The following DOCK3 variants were observed in gnomAD, a reference collection of about 807,000 sequenced individuals.
The protein encoded by DOCK3 is dedicator of cytokinesis 3.
Under a neutral mutation model 265.6 loss-of-function variants are expected in DOCK3, and 60 were observed. The observed-to-expected ratio is 0.23, with a 90% confidence interval of 0.18 to 0.28. The LOEUF (loss-of-function observed/expected upper bound fraction) is 0.28. DOCK3 is among the 10% of genes least tolerant of loss of function. DOCK3 has a pLI of 1.00. For synonymous variants in DOCK3, 881 were observed against 938.0 expected (o/e 0.94, Z 1.11); for missense variants, 1,981 against 2,594.3 (o/e 0.76, Z 5.14).
At chr3:51,360,166 C>T (rs1187996890) in intron 46 of DOCK3, among the ~76,000 whole-genome samples, 1 of 152,200 alleles carries the variant, frequency 6.6e-6, no homozygotes, top group Non-Finnish European at 1.5e-5. Context: ...CTCTTCCTCT[C>T]CTTCTTCCCA....
At chr3:51,364,424 C>T (rs2086977800) in intron 49 of DOCK3, among the ~76,000 whole-genome samples, 1 of 152,128 alleles carries the variant, frequency 6.6e-6, no homozygotes, top group South Asian at 2.1e-4. Flanking sequence ...AAAATATTCT[C>T]CCATTCTGTA....
intron 12 of DOCK3, among the ~76,000 whole-genome samples, chr3:51,202,502 G>C (rs1263997268): frequency 6.6e-6 from 1 of 152,052 alleles, no homozygotes; most frequent in Non-Finnish European, 1.5e-5. Flanking sequence ...CCAATAACAG[G>C]AGCTGAAATT....
At chr3:50,920,671 C>T (rs920402549) in intron 4 of DOCK3, among the ~76,000 whole-genome samples, 2 of 152,058 alleles carry the variant, frequency 1.3e-5, no homozygotes, top group East Asian at 3.8e-4. Context: ...AACGGTCTGT[C>T]AATTTTGTTG....
At chr3:51,322,950 G>GGAGGAATA (rs140222303) in intron 32 of DOCK3, among the ~76,000 whole-genome samples, 131,437 of 150,708 alleles carry the variant, frequency 0.87, 57,414 homozygotes, top group East Asian at 0.94. Flanking sequence ...ATAGAGGCAT[G>GGAGGAATA]CTTACCAAGC....
chr3:50,752,595 A>C (rs1465890724), intron 1 of DOCK3, among the ~76,000 whole-genome samples: 1 of 151,910 alleles, frequency 6.6e-6, no homozygotes, highest in East Asian at 1.9e-4. Flanking sequence ...TGCCCAATAT[A>C]GTGAAACTCT....
intron 32 of DOCK3, among the ~76,000 whole-genome samples, chr3:51,325,996 G>A (rs1455682746): frequency 6.6e-6 from 1 of 151,470 alleles, no homozygotes; most frequent in East Asian, 1.9e-4. Context: ...AACCACCATG[G>A]CACAGGTATA....
chr3:50,989,051 GAGGCTGGTCTTTGACCCAAGAAGAAA>G (rs947889442), intron 5 of DOCK3, among the ~76,000 whole-genome samples: 3 of 152,182 alleles, frequency 2.0e-5, no homozygotes, highest in South Asian at 2.1e-4. Context: ...CCAAGAAGAA[GAGGCTGGTCTTTGACCCAAGAAGAAA>G]AGGCTGGTCT....
At chr3:51,025,967 A>C (rs1293869611) in intron 5 of DOCK3, among the ~76,000 whole-genome samples, 1 of 152,102 alleles carries the variant, frequency 6.6e-6, no homozygotes, top group Non-Finnish European at 1.5e-5. Context: ...TGTCTCATGG[A>C]GTAGGCTGCA....
intron 1 of DOCK3, among the ~76,000 whole-genome samples, chr3:50,748,695 C>T (rs974240494): frequency 1.3e-5 from 2 of 152,190 alleles, no homozygotes; most frequent in African/African-American, 4.8e-5. Context: ...TCTCTACCCT[C>T]TTTCATCGTG....
intron 40 of DOCK3, among the ~76,000 whole-genome samples, chr3:51,353,361 G>A (rs968925176): frequency 6.6e-6 from 1 of 152,174 alleles, no homozygotes; most frequent in African/African-American, 2.4e-5. Flanking sequence ...CCTGTAATCC[G>A]AGCACTTGGG....
intron 1 of DOCK3, among the ~76,000 whole-genome samples, chr3:50,754,884 A>G (rs773574193): frequency 1.3e-5 from 2 of 152,164 alleles, no homozygotes; most frequent in Non-Finnish European, 2.9e-5. Context: ...CAACATGGGA[A>G]ATGTGTAAAG....
chr3:50,944,660 C>G (rs2076381373), intron 5 of DOCK3, among the ~76,000 whole-genome samples: 1 of 152,132 alleles, frequency 6.6e-6, no homozygotes, highest in African/African-American at 2.4e-5. Flanking sequence ...AGGAAATCTT[C>G]ATCAAAAAGC....
intron 25 of DOCK3, 108 bp downstream of exon 25, chr3:51,275,314 A>G: frequency 7.9e-6 from 12 of 1,527,500 alleles, no homozygotes; most frequent in Non-Finnish European, 1.1e-5. Context: ...TCAGTCACAG[A>G]TGCTTTCATC....
chr3:51,109,204 A>T (rs981676975), intron 9 of DOCK3, among the ~76,000 whole-genome samples: 1 of 152,242 alleles, frequency 6.6e-6, no homozygotes, highest in Admixed American at 6.5e-5. Flanking sequence ...ATAAAAATAG[A>T]ATTCAAGAAT....
At chr3:51,260,453 A>G in intron 23 of DOCK3, 127 bp downstream of exon 23, 2 of 1,129,978 alleles carry the variant, frequency 1.8e-6, no homozygotes, top group Non-Finnish European at 2.4e-6. Context: ...GGGATTATTT[A>G]CAAGGAAATA....
chr3:51,324,450 T>C (rs547649878), intron 32 of DOCK3, among the ~76,000 whole-genome samples: 1 of 152,230 alleles, frequency 6.6e-6, no homozygotes, highest in Non-Finnish European at 1.5e-5. Context: ...AAACATTCCA[T>C]GCTCATGGAT....
chr3:51,324,617 T>C (rs1214392408), intron 32 of DOCK3, among the ~76,000 whole-genome samples: 2 of 152,190 alleles, frequency 1.3e-5, no homozygotes. Context: ...AAGATAATCT[T>C]AGGCAAAAAG....
intron 12 of DOCK3, among the ~76,000 whole-genome samples, chr3:51,205,480 G>A (rs916556456): frequency 6.6e-6 from 1 of 150,956 alleles, no homozygotes; most frequent in Non-Finnish European, 1.5e-5. Flanking sequence ...GATCGCTTGA[G>A]TTCAGGAGTT....
intron 2 of DOCK3, among the ~76,000 whole-genome samples, chr3:50,800,496 A>T (rs1307989054): frequency 6.6e-6 from 1 of 152,108 alleles, no homozygotes; most frequent in Non-Finnish European, 1.5e-5. Flanking sequence ...ATCACCAATG[A>T]GCCTTTGTAT....
Sources: gnomAD v4.1 joint callset for allele counts (sites outside exome capture counted in the v4.1 genomes callset) on GRCh38, gnomAD v4.1.1 for gene constraint, MANE v1.5 for transcripts, NCBI Gene and HGNC (gene_info 2026-07-23, HGNC 2026-07-21) for gene names.